The following DMD variants were observed in gnomAD, a reference collection of about 807,000 sequenced individuals.
DMD encodes the protein dystrophin.
DMD carries 63 observed loss-of-function variants against 330.1 expected under a neutral mutation model. The observed-to-expected ratio is 0.19, with a 90% CI of 0.16 to 0.24. The LOEUF (loss-of-function observed/expected upper bound fraction) is 0.24, where lower values mean the gene tolerates loss of function less well. Ranked by LOEUF, DMD falls within the 10% of genes least tolerant of loss-of-function variation. The pLI is 1.00. For synonymous variants in DMD, 1,223 were observed against 959.8 expected (o/e 1.27, Z -5.07); for missense variants, 3,344 against 2,684.1 (o/e 1.25, Z -5.43).
intron 1 of DMD, among the ~76,000 whole-genome samples, chrX:33,044,494 C>CTGTGAACTGAACCA (rs1378546601): frequency 8.9e-6 from 1 of 112,072 alleles, no homozygotes; most frequent in African/African-American, 3.2e-5. Context: ...TTCTAGTTAA[C>CTGTGAACTGAACCA]TGTGAACTGA....
At chrX:31,572,066 A>G (rs1022892980) in intron 55 of DMD, among the ~76,000 whole-genome samples, 1 of 111,150 alleles carries the variant, frequency 9.0e-6, no homozygotes, top group African/African-American at 3.3e-5. Flanking sequence ...AATAAAATGT[A>G]AAACGGACCC....
intron 2 of DMD, among the ~76,000 whole-genome samples, chrX:32,854,727 C>T (rs140232801): frequency 2.7e-5 from 3 of 111,128 alleles, no homozygotes; most frequent in Non-Finnish European, 5.7e-5. Context: ...TGAAGAAAAG[C>T]CCGAGACCTG....
chrX:33,016,897 T>C (rs1429536921), intron 2 of DMD, among the ~76,000 whole-genome samples: 1 of 112,026 alleles, frequency 8.9e-6, no homozygotes, highest in Non-Finnish European at 1.9e-5. Context: ...ATAATGCGAA[T>C]CATATTTGTC....
At chrX:33,188,650 G>A (rs771442530) in intron 1 of DMD, among the ~76,000 whole-genome samples, 1 of 111,840 alleles carries the variant, frequency 8.9e-6, no homozygotes, top group South Asian at 3.7e-4. Context: ...ATTTTTGTTT[G>A]CTCTCAAAGC....
At chrX:31,840,303 T>C (rs764920659) in intron 48 of DMD, among the ~76,000 whole-genome samples, 12 of 111,688 alleles carry the variant, frequency 1.1e-4, no homozygotes, top group African/African-American at 3.9e-4. Context: ...AATATATTTA[T>C]AAGCTAGAGA....
chrX:31,331,605 C>T (rs2057127754), intron 61 of DMD, among the ~76,000 whole-genome samples: 1 of 111,695 alleles, frequency 9.0e-6, no homozygotes, highest in African/African-American at 3.3e-5. Flanking sequence ...AAGGAATTTT[C>T]GAGTAAATTC....
intron 1 of DMD, among the ~76,000 whole-genome samples, chrX:33,279,686 T>A (rs1434433815): frequency 9.0e-6 from 1 of 111,586 alleles, no homozygotes; most frequent in African/African-American, 3.3e-5. Context: ...CAGCAATATA[T>A]GATTTACCCA....
chrX:32,770,534 G>A (rs899535838), intron 7 of DMD, among the ~76,000 whole-genome samples: 3 of 111,412 alleles, frequency 2.7e-5, no homozygotes, highest in African/African-American at 6.5e-5. Context: ...TAACCTAAAT[G>A]TATTTGAGGG....
intron 27 of DMD, among the ~76,000 whole-genome samples, chrX:32,441,843 C>G (rs1295677249): frequency 9.0e-6 from 1 of 111,195 alleles, no homozygotes; most frequent in Non-Finnish European, 1.9e-5. Context: ...CTTAGTTTAG[C>G]AATTTCCTTT....
chrX:31,291,153 C>T (rs920821337), intron 62 of DMD, among the ~76,000 whole-genome samples: 24 of 111,259 alleles, frequency 2.2e-4, no homozygotes, highest in Admixed American at 1.8e-3. Flanking sequence ...TGTGCTATTA[C>T]GCTTTTCATT....
chrX:31,439,146 A>G (rs974159851), intron 60 of DMD, among the ~76,000 whole-genome samples: 26 of 111,991 alleles, frequency 2.3e-4, no homozygotes, highest in Non-Finnish European at 1.7e-4. Context: ...TATCAGTGTT[A>G]TGATAGTATG....
intron 42 of DMD, among the ~76,000 whole-genome samples, chrX:32,309,423 A>T (rs906808766): frequency 1.8e-5 from 2 of 110,836 alleles, no homozygotes; most frequent in South Asian, 7.5e-4. Flanking sequence ...TATTATGTGC[A>T]TTTTCTTGAT....
chrX:31,409,890 C>T (rs750074301), intron 60 of DMD, among the ~76,000 whole-genome samples: 2 of 112,119 alleles, frequency 1.8e-5, no homozygotes, highest in Admixed American at 9.4e-5. Flanking sequence ...ACGATCTCTG[C>T]TCACTGCAAC....
chrX:31,132,875 T>C (rs1429812068), intron 77 of DMD, among the ~76,000 whole-genome samples: 1 of 107,921 alleles, frequency 9.3e-6, no homozygotes, highest in African/African-American at 3.4e-5. Flanking sequence ...CGGTGGGGGA[T>C]GTGGAGGTGG....
rs1278041898 is a variant in DMD, at chrX:31,156,885, C to T, written c.10554-9367G>A. Among the ~76,000 whole-genome samples, 33 of 111,427 alleles carry T rather than the reference C, an allele frequency of 3.0e-4. 1 individual carries two copies. The highest frequency in any genetic ancestry group is 3.0e-3 in the Admixed American group (31 of 10,476). On this transcript the variant is annotated intron_variant, in intron 74 of 78. Coordinates refer to ENST00000357033, the MANE Select transcript of DMD (RefSeq NM_004006.3). ...AAGTGACTAATCACTCAGTATTTGT[C>T]CTGTAGATACCTGAGTTCTAGCCCC...
At chrX:33,194,540 G>A (rs1450302821) in intron 1 of DMD, among the ~76,000 whole-genome samples, 7 of 111,103 alleles carry the variant, frequency 6.3e-5, no homozygotes, top group South Asian at 7.5e-4. Flanking sequence ...ATACTATATC[G>A]CATCTTTTCT....
At chrX:32,161,931 G>A (rs980359763) in intron 44 of DMD, among the ~76,000 whole-genome samples, 13 of 111,835 alleles carry the variant, frequency 1.2e-4, no homozygotes, top group Non-Finnish European at 2.4e-4. Context: ...GAAATAACTT[G>A]CCTAGGCCTT....
rs140194287 is a variant in DMD at position 31,952,141 on chromosome X, T to C, written c.6614+16198A>G. ...TTTTAAAGACTTTCCCATTTGTCTT[T>C]CAATAATTTCAAATGAAACTATTTC... is the stretch of plus-strand genomic sequence containing the variant. On this transcript the variant is annotated intron_variant, in intron 45 of 78. Transcript: ENST00000357033. Among the ~76,000 whole-genome samples the C allele has an allele frequency of 4.1e-3, 461 of 111,340 alleles. 2 individuals are homozygous for C. The highest frequency in any genetic ancestry group is 0.014 in the African/African-American group (443 of 30,751).
In DMD at chrX:32,135,366, A is replaced by G. The variant is rs768628233; in HGVS notation, c.6438+81550T>C. Among the ~76,000 whole-genome samples the G allele has an allele frequency of 4.4e-5, 5 of 112,869 alleles. No homozygotes were observed. The South Asian group carries it at 1.8e-3, about 41-fold the overall frequency. On this transcript the variant is annotated intron_variant, in intron 44 of 78. Transcript: ENST00000357033. ...GAAAATTCATGCTTTGGAAGAATAA[A>G]TGATTTTCACATAATCATTCTAGTA...
Sources: allele counts gnomAD v4.1 joint callset (sites outside exome capture counted in the v4.1 genomes callset), GRCh38; gene constraint gnomAD v4.1.1; transcripts MANE v1.5; gene names NCBI Gene and HGNC (gene_info 2026-07-23, HGNC 2026-07-21).